IL21R: variants seen among roughly 807,000 people sequenced by gnomAD.
The protein encoded by IL21R is interleukin 21 receptor, also known as interleukin-21 receptor.
Under a neutral mutation model 41.3 loss-of-function variants are expected in IL21R, and 14 were observed. The ratio of observed to expected loss-of-function variants is 0.34; its 90% CI spans 0.22 to 0.53. The LOEUF (loss-of-function observed/expected upper bound fraction) is 0.53. Ranked by LOEUF, IL21R falls within the 20% of genes least tolerant of loss-of-function variation. IL21R has a pLI of 0.94. For synonymous variants in IL21R, 286 were observed against 287.6 expected (o/e 0.99, Z 0.05); for missense variants, 588 against 681.6 (o/e 0.86, Z 1.53).
intron 4 of IL21R, among the ~76,000 whole-genome samples, chr16:27,440,280 G>A (rs1011548503): frequency 1.8e-4 from 23 of 128,460 alleles, no homozygotes; most frequent in Admixed American, 4.4e-4. Flanking sequence ...GAGAGAGAGA[G>A]CGAGCAAGCG....
chr16:27,418,483 C>T (rs1437726973), intron 1 of IL21R, among the ~76,000 whole-genome samples: 1 of 152,214 alleles, frequency 6.6e-6, no homozygotes, highest in Non-Finnish European at 1.5e-5. Context: ...ATTCTCCTGT[C>T]TCAGCCTCCA....
intron 1 of IL21R, among the ~76,000 whole-genome samples, chr16:27,405,684 G>A (rs1451757385): frequency 2.6e-5 from 4 of 152,326 alleles, no homozygotes; most frequent in East Asian, 1.9e-4. Context: ...AGGGGGCAAT[G>A]GGAGGAACCC....
At chr16:27,419,300 A>G (rs2141271108) in intron 1 of IL21R, among the ~76,000 whole-genome samples, 1 of 152,292 alleles carries the variant, frequency 6.6e-6, no homozygotes, top group South Asian at 2.1e-4. Flanking sequence ...ACTGTCTTCC[A>G]CCTCCACATT....
chr16:27,433,882 G>A (rs1403971669), intron 2 of IL21R, among the ~76,000 whole-genome samples: 3 of 152,148 alleles, frequency 2.0e-5, no homozygotes, highest in Non-Finnish European at 2.9e-5. Context: ...TTCCTTGTCA[G>A]GGTTTTGGGA....
In IL21R at chr16:27,445,572, A is replaced by T. The variant is rs932763269; in HGVS notation, c.785+296A>T. On this transcript the variant is annotated intron_variant, in intron 7 of 8. Transcript: ENST00000337929. ...CTCCAAGGTGGAGAAATTGGGATTG[A>T]AAATCTGTGCCCTTAAACAGGGACC... 2.6e-5 allele frequency among the ~76,000 whole-genome samples: 4 copies of T among 152,320 alleles called. No homozygotes were observed. The East Asian group carries it at 7.7e-4, about 29-fold the overall frequency.
rs75866335 is a variant in IL21R, at chr16:27,402,997, C to A, written c.-17+379C>A. On this transcript the variant is annotated intron_variant, in intron 1 of 8. Coordinates refer to ENST00000337929, the MANE Select transcript of IL21R (RefSeq NM_181078.3). Reference sequence around the variant, plus strand: ...GGCATGGGTGTAGAGCCTGATGGGACCCATTCTGTGTCAGTTTCTATGTCT... The same window carrying A: ...GGCATGGGTGTAGAGCCTGATGGGAACCATTCTGTGTCAGTTTCTATGTCT... 1,402 of 412,612 alleles carry A rather than the reference C, an allele frequency of 3.4e-3. 18 individuals carry two copies. Among genetic ancestry groups the A allele is most frequent in the African/African-American group, 0.025 (1,221 of 49,258 alleles). 25.6% of individuals were successfully genotyped at this position (412,612 alleles called of 1,614,324 possible).
intron 1 of IL21R, among the ~76,000 whole-genome samples, chr16:27,425,662 TCTCCTGTCTCAGC>T (rs1176326026): frequency 6.6e-6 from 1 of 152,112 alleles, no homozygotes; most frequent in Non-Finnish European, 1.5e-5. Flanking sequence ...TTCAAGCAAT[TCTCCTGTCTCAGC>T]CTCCTGAGTA....
chr16:27,409,121 G>C (rs1330959715), intron 1 of IL21R, among the ~76,000 whole-genome samples: 2 of 150,718 alleles, frequency 1.3e-5, no homozygotes, highest in Non-Finnish European at 3.0e-5. Context: ...TAGTTACTCT[G>C]TATCCTTTTC....
intron 3 of IL21R, among the ~76,000 whole-genome samples, chr16:27,435,434 TTTTTA>T (rs377373260): frequency 1.0e-3 from 158 of 151,254 alleles, no homozygotes; most frequent in Non-Finnish European, 1.9e-3. Context: ...TGCTTTCTCT[TTTTTA>T]TTTTATTTTA....
Position 27,437,634 on chromosome 16 carries a change from A to G in IL21R, c.299A>G (p.Asp100Gly). 7 of 1,614,182 alleles carry G rather than the reference A, an allele frequency of 4.3e-6. No homozygotes were observed. The highest frequency in any genetic ancestry group is 5.9e-6 in the Non-Finnish European group (7 of 1,180,018). ...GACATTTTCAGTGTCAACATCACAGACCAGTCTGGCAACTACTCCCAGGAG... is the reference window on the plus strand; with the variant it reads ...GACATTTTCAGTGTCAACATCACAGGCCAGTCTGGCAACTACTCCCAGGAG... ...ADDIFSVNITDQSGNYSQECG... is the reference protein window; with the variant it reads ...ADDIFSVNITGQSGNYSQECG... Residue 100 changes from aspartate (D) to glycine (G), a missense_variant, in exon 4 of 9, where the codon GAC (aspartate) becomes GGC (glycine). Asp to Gly is a moderately conservative substitution (Grantham distance 94). Coordinates refer to ENST00000337929, the MANE Select transcript of IL21R (RefSeq NM_181078.3).
intron 4 of IL21R, among the ~76,000 whole-genome samples, chr16:27,440,248 T>TATATATAGAGAGAGAGAGAGAGAG (rs1352160946): frequency 1.6e-5 from 1 of 64,044 alleles, no homozygotes; most frequent in Non-Finnish European, 2.7e-5. Flanking sequence ...TATATATATA[T>TATATATAGAGAGAGAGAGAGAGAG]AGAGAGAGAG....
In IL21R at chr16:27,447,300, C is replaced by T. The variant is rs540975627; in HGVS notation, c.867+1212C>T. ...TCATTTAATCCTCACGACGGCCCTA[C>T]GGGTGGGTGCTATTATTAGGTCCAT... On this transcript the variant is annotated intron_variant, in intron 8 of 8. Transcript: ENST00000337929. 2.6e-3 allele frequency among the ~76,000 whole-genome samples: 392 copies of T among 152,220 alleles called. 1 individual carries two copies. Among genetic ancestry groups the T allele is most frequent in the Admixed American group, 2.5e-3 (39 of 15,296 alleles).
In IL21R at chr16:27,435,612, C is replaced by T. The variant is rs2087255555; in HGVS notation, c.152+1163C>T. Among the ~76,000 whole-genome samples the T allele has an allele frequency of 6.6e-5, 10 of 151,832 alleles. No individual in the cohort carries two copies. The South Asian group carries it at 1.5e-3, about 22-fold the overall frequency. On this transcript the variant is annotated intron_variant, in intron 3 of 8. Transcript: ENST00000337929. The stretch of plus-strand genomic sequence containing the variant: ...GGGACTACAGGCATGCATCACCATA[C>T]CTGGATAATTTTTGTAGTTTTTGTA...
intron 1 of IL21R, among the ~76,000 whole-genome samples, chr16:27,422,908 G>A (rs2087018680): frequency 6.6e-6 from 1 of 152,156 alleles, no homozygotes; most frequent in African/African-American, 2.4e-5. Context: ...CATATAAGCA[G>A]ATTACACCTT....
chr16:27,442,899 C>A (rs1313730556), intron 4 of IL21R, 63 bp from the exon 5 acceptor site: 2 of 1,485,382 alleles, frequency 1.3e-6, no homozygotes, highest in Non-Finnish European at 1.8e-6. Flanking sequence ...CTCCCATCAC[C>A]AAATCCTTTT....
At chr16:27,430,330 G>A (rs1049331847) in intron 2 of IL21R, among the ~76,000 whole-genome samples, 2 of 152,202 alleles carry the variant, frequency 1.3e-5, no homozygotes, top group African/African-American at 2.4e-5. Flanking sequence ...AAACAGAAGC[G>A]GTAGACATGA....
In IL21R at chr16:27,434,441, C is replaced by T. The variant is rs2141290474; in HGVS notation, c.144C>T (p.Thr48=). Residue 48 remains threonine (T), a synonymous_variant, in exon 3 of 9, where the codon ACC becomes ACT. Coordinates refer to ENST00000337929, the MANE Select transcript of IL21R (RefSeq NM_181078.3). ...EMWNLHPSTL[T]LTWQDQYEEL... The stretch of plus-strand genomic sequence containing the variant: ...GGAACCTCCACCCCAGCACGCTCAC[C>T]CTTACCTGGTAAGTAGCCGGGCCTC... The T allele has an allele frequency of 1.2e-6, 2 of 1,610,082 alleles. No individual in the cohort carries two copies. Among genetic ancestry groups the T allele is most frequent in the Non-Finnish European group, 1.7e-6 (2 of 1,176,516 alleles).
intron 1 of IL21R, among the ~76,000 whole-genome samples, chr16:27,429,179 G>A (rs1023335664): frequency 6.6e-6 from 1 of 152,052 alleles, no homozygotes; most frequent in African/African-American, 2.4e-5. Flanking sequence ...AGCCAAGATC[G>A]GGCCACTGCA....
At chr16:27,431,055 T>G (rs1029977905) in intron 2 of IL21R, among the ~76,000 whole-genome samples, 1 of 152,054 alleles carries the variant, frequency 6.6e-6, no homozygotes, top group African/African-American at 2.4e-5. Context: ...GAGGGCTTCC[T>G]GGAGGAGGGG....
Sources: allele counts gnomAD v4.1 joint callset (sites outside exome capture counted in the v4.1 genomes callset), GRCh38; gene constraint gnomAD v4.1.1; transcripts MANE v1.5; gene names NCBI Gene and HGNC (gene_info 2026-07-23, HGNC 2026-07-21).